The following PEAK1 variants were observed in gnomAD, a reference collection of about 807,000 sequenced individuals.
PEAK1 encodes the protein pseudopodium enriched atypical kinase 1.
Under a neutral mutation model 124.7 loss-of-function variants are expected in PEAK1, and 54 were observed. The observed-to-expected ratio is 0.43, with a 90% confidence interval of 0.35 to 0.54. The LOEUF (loss-of-function observed/expected upper bound fraction) is 0.54. PEAK1 is among the 20% of genes least tolerant of loss of function. The pLI is 0.01. For missense variants in PEAK1, 2,046 were observed against 2,134.5 expected (o/e 0.96, Z 0.82); for synonymous variants, 719 against 760.0 (o/e 0.95, Z 0.89).
At chr15:77,311,618 A>G (rs1187541672) in intron 2 of PEAK1, among the ~76,000 whole-genome samples, 1 of 150,182 alleles carries the variant, frequency 6.7e-6, no homozygotes, top group Non-Finnish European at 1.5e-5. Flanking sequence ...GGTTGCAGCA[A>G]GCCAAGATTG....
chr15:77,347,831 A>G, intron 2 of PEAK1: 1 of 985,194 alleles, frequency 1.0e-6, no homozygotes, highest in Non-Finnish European at 1.2e-6. Context: ...AACAGTGTTT[A>G]AGTTCAAAAG....
At chr15:77,310,303 T>A (rs1315943123) in intron 2 of PEAK1, among the ~76,000 whole-genome samples, 1 of 152,198 alleles carries the variant, frequency 6.6e-6, no homozygotes, top group Non-Finnish European at 1.5e-5. Flanking sequence ...GAGTCACTCC[T>A]TTTACAAGTC....
chr15:77,116,394 G>A (rs2051367192), intron 9 of PEAK1, among the ~76,000 whole-genome samples: 2 of 152,136 alleles, frequency 1.3e-5, no homozygotes, highest in Non-Finnish European at 2.9e-5. Context: ...TGCACTCTCT[G>A]TAGTGTTTAC....
rs2058670410 is a variant in PEAK1 at position 77,206,581 on chromosome 15, T to C, written c.-114-24541A>G. 2.6e-5 allele frequency among the ~76,000 whole-genome samples: 4 copies of C among 152,070 alleles called. No individual in the cohort carries two copies. The South Asian group carries it at 6.3e-4, about 24-fold the overall frequency. On this transcript the variant is annotated intron_variant, in intron 6 of 9. Transcript: ENST00000682557. ...TTTGCATTTCTCTGATAGCCAGTGA[T>C]GATGAGCATTTTTTCATGTGTTTTT...
At chr15:77,251,989 C>T (rs931295487) in intron 6 of PEAK1, among the ~76,000 whole-genome samples, 19 of 152,214 alleles carry the variant, frequency 1.2e-4, no homozygotes, top group African/African-American at 4.6e-4. Context: ...TGTAACACTG[C>T]CTGTTCAGTA....
At chr15:77,264,220 C>T (rs1259341617) in intron 5 of PEAK1, among the ~76,000 whole-genome samples, 1 of 152,052 alleles carries the variant, frequency 6.6e-6, no homozygotes, top group African/African-American at 2.4e-5. Context: ...TCTCTCACCA[C>T]TCCTATTCAA....
intron 1 of PEAK1, chr15:77,418,153 G>A (rs1411416525): frequency 1.0e-6 from 1 of 984,016 alleles, no homozygotes; most frequent in Non-Finnish European, 1.2e-6. Context: ...CTATCAACTG[G>A]ATAAAACGAA....
intron 7 of PEAK1, among the ~76,000 whole-genome samples, chr15:77,175,914 T>C (rs1267921774): frequency 6.6e-6 from 1 of 152,192 alleles, no homozygotes; most frequent in East Asian, 1.9e-4. Flanking sequence ...CACAGAATAC[T>C]ATGCAGCCAT....
chr15:77,168,144 C>A (rs1210263913), intron 7 of PEAK1, among the ~76,000 whole-genome samples: 2 of 151,828 alleles, frequency 1.3e-5, no homozygotes, highest in Non-Finnish European at 2.9e-5. Flanking sequence ...ACTGAATTTT[C>A]CAGAGAGAAG....
At chr15:77,381,143 C>T (rs1012217783) in intron 1 of PEAK1, 9 of 852,470 alleles carry the variant, frequency 1.1e-5, no homozygotes, top group African/African-American at 1.8e-5. Flanking sequence ...AATGGAGTAA[C>T]ATGCTAAAAA....
intron 1 of PEAK1, among the ~76,000 whole-genome samples, chr15:77,389,522 T>A (rs1253498489): frequency 6.6e-6 from 1 of 152,210 alleles, no homozygotes; most frequent in Non-Finnish European, 1.5e-5. Context: ...GCTGGGATGA[T>A]AACTTGTGGT....
intron 1 of PEAK1, among the ~76,000 whole-genome samples, chr15:77,411,801 G>T (rs1035652011): frequency 1.3e-5 from 2 of 151,960 alleles, no homozygotes; most frequent in African/African-American, 4.8e-5. Context: ...GATGGGGGTT[G>T]GGGGTGGGTC....
chr15:77,334,225 T>C (rs1445973334), intron 2 of PEAK1: 5 of 984,082 alleles, frequency 5.1e-6, no homozygotes, highest in Non-Finnish European at 6.0e-6. Context: ...ACTAACCACA[T>C]AATTTTAGTT....
At chr15:77,269,708 A>T (rs923148722) in intron 5 of PEAK1, among the ~76,000 whole-genome samples, 3 of 152,192 alleles carry the variant, frequency 2.0e-5, no homozygotes, top group African/African-American at 7.2e-5. Context: ...AACACATGGA[A>T]CATTCTCCAA....
chr15:77,396,769 T>C (rs904149789), intron 1 of PEAK1, among the ~76,000 whole-genome samples: 6 of 152,070 alleles, frequency 3.9e-5, no homozygotes, highest in South Asian at 4.1e-4. Flanking sequence ...GACCCAGATA[T>C]ATAAAGCAAT....
intron 8 of PEAK1, among the ~76,000 whole-genome samples, chr15:77,137,633 T>A (rs2053445747): frequency 1.3e-5 from 2 of 152,258 alleles, no homozygotes; most frequent in Non-Finnish European, 2.9e-5. Flanking sequence ...ACCCAATGAC[T>A]GTACCTGCAT....
At chr15:77,205,995 G>A (rs2058631316) in intron 6 of PEAK1, among the ~76,000 whole-genome samples, 2 of 114,992 alleles carry the variant, frequency 1.7e-5, no homozygotes, top group South Asian at 6.8e-4. Context: ...CCCCATCACA[G>A]TCCCCAGAGT....
chr15:77,128,394 G>C (rs1020060594), intron 9 of PEAK1, among the ~76,000 whole-genome samples: 1 of 152,192 alleles, frequency 6.6e-6, no homozygotes, highest in African/African-American at 2.4e-5. Context: ...AGAAACATCA[G>C]GGCTGCTTTT....
chr15:77,315,727 C>A (rs1299212344), intron 2 of PEAK1, among the ~76,000 whole-genome samples: 4 of 151,708 alleles, frequency 2.6e-5, no homozygotes, highest in African/African-American at 9.7e-5. Flanking sequence ...AAACATTGGA[C>A]AAATCACAAA....
Sources: allele counts gnomAD v4.1 joint callset (sites outside exome capture counted in the v4.1 genomes callset), GRCh38; gene constraint gnomAD v4.1.1; transcripts MANE v1.5; gene names NCBI Gene and HGNC (gene_info 2026-07-23, HGNC 2026-07-21).